IKZF1: variants seen among roughly 807,000 people sequenced by gnomAD.
IKZF1 encodes the protein DNA-binding protein Ikaros.
In IKZF1, 10 loss-of-function variants were observed where a neutral mutation model predicts 51.7. The ratio of observed to expected loss-of-function variants is 0.19; its 90% CI spans 0.12 to 0.33. The LOEUF (loss-of-function observed/expected upper bound fraction) is 0.33, where lower values mean the gene tolerates loss of function less well. IKZF1 is among the 10% of genes least tolerant of loss of function. The pLI, the probability that IKZF1 is intolerant of heterozygous loss-of-function variation, is 1.00. For synonymous variants in IKZF1, 280 were observed against 282.3 expected (o/e 0.99, Z 0.08); for missense variants, 484 against 707.5 (o/e 0.68, Z 3.58).
At chr7:50,347,462 A>G (rs535155344) in intron 3 of IKZF1, among the ~76,000 whole-genome samples, 88 of 152,296 alleles carry the variant, frequency 5.8e-4, no homozygotes, top group South Asian at 1.7e-3. Flanking sequence ...AGTCAAAGTC[A>G]TACTCTTTAA....
intron 3 of IKZF1, among the ~76,000 whole-genome samples, chr7:50,346,573 C>T (rs981388060): frequency 3.3e-5 from 5 of 152,186 alleles, no homozygotes; most frequent in Non-Finnish European, 7.3e-5. Flanking sequence ...GCTGGTCTCA[C>T]TCTTCCCTGG....
At chr7:50,334,042 T>A (rs1190157202) in intron 3 of IKZF1, among the ~76,000 whole-genome samples, 1 of 152,262 alleles carries the variant, frequency 6.6e-6, no homozygotes, top group African/African-American at 2.4e-5. Context: ...ACAGGTTCAT[T>A]GCTTCGCATT....
chr7:50,325,097 A>T (rs1156817828), intron 2 of IKZF1, among the ~76,000 whole-genome samples: 5 of 152,086 alleles, frequency 3.3e-5, no homozygotes, highest in Admixed American at 3.3e-4. Flanking sequence ...AGAAGGCTCC[A>T]TGGTCATTTC....
At chr7:50,355,431 C>T (rs75977980) in intron 3 of IKZF1, among the ~76,000 whole-genome samples, 2,264 of 152,204 alleles carry the variant, frequency 0.015, 51 homozygotes, top group African/African-American at 0.05. Context: ...GCCTGGCCGC[C>T]GGATGGGAGG....
chr7:50,366,559 T>C (rs1466317849), intron 3 of IKZF1, among the ~76,000 whole-genome samples: 1 of 152,196 alleles, frequency 6.6e-6, no homozygotes, highest in Non-Finnish European at 1.5e-5. Context: ...TGCAGGGATA[T>C]ATTAGGAAGT....
At chr7:50,373,727 T>C (rs1809406216) in intron 3 of IKZF1, among the ~76,000 whole-genome samples, 1 of 152,194 alleles carries the variant, frequency 6.6e-6, no homozygotes, top group South Asian at 2.1e-4. Flanking sequence ...AGCGGGCTAG[T>C]GTAGACACTG....
intron 3 of IKZF1, among the ~76,000 whole-genome samples, chr7:50,332,807 T>A (rs1796704249): frequency 1.3e-5 from 2 of 152,184 alleles, no homozygotes; most frequent in African/African-American, 4.8e-5. Context: ...ACACATGAGT[T>A]TGAATATAGG....
intron 1 of IKZF1, among the ~76,000 whole-genome samples, chr7:50,316,623 G>A (rs1166554494): frequency 6.6e-6 from 1 of 152,230 alleles, no homozygotes; most frequent in Non-Finnish European, 1.5e-5. Context: ...AAGTAAGAAG[G>A]TTCCCACAGA....
In IKZF1 at chr7:50,376,475, T is replaced by C. The variant is rs2153467953; in HGVS notation, c.161-58T>C. The C allele has an allele frequency of 6.3e-7, 1 of 1,590,398 alleles. No homozygotes were observed. The highest frequency in any genetic ancestry group is 2.2e-5 in the East Asian group (1 of 44,654). On this transcript the variant is annotated intron_variant, in intron 3 of 7. Transcript: ENST00000331340. This position sits in a 1 kb window ranked among gnomAD's most constrained non-coding sequence, Gnocchi z 4.5. ...GATTGTCTTTTTGCTGCTGTGTTGTTTTGTTGAGTTTTTTTTTTGCAATGA... is the reference window on the plus strand; with the variant it reads ...GATTGTCTTTTTGCTGCTGTGTTGTCTTGTTGAGTTTTTTTTTTGCAATGA...
intron 3 of IKZF1, among the ~76,000 whole-genome samples, chr7:50,347,110 A>G (rs1322421234): frequency 6.6e-6 from 1 of 152,126 alleles, no homozygotes; most frequent in Non-Finnish European, 1.5e-5. Flanking sequence ...AGTGTATTTC[A>G]TTTCAGCCTG....
chr7:50,393,223 C>G (rs1815697610), intron 7 of IKZF1, among the ~76,000 whole-genome samples: 1 of 152,146 alleles, frequency 6.6e-6, no homozygotes, highest in East Asian at 1.9e-4. Context: ...AACCATGAGT[C>G]ACACTGATTC....
chr7:50,373,350 A>G (rs1809280395), intron 3 of IKZF1, among the ~76,000 whole-genome samples: 1 of 152,254 alleles, frequency 6.6e-6, no homozygotes, highest in African/African-American at 2.4e-5. Flanking sequence ...ATTCTTAATG[A>G]TCCAGAAGAA....
intron 1 of IKZF1, among the ~76,000 whole-genome samples, chr7:50,316,093 A>C (rs997070085): frequency 1.3e-5 from 2 of 152,172 alleles, no homozygotes; most frequent in Non-Finnish European, 2.9e-5. Context: ...CGAGAAAGTC[A>C]CTGCTTTTTC....
rs1230092259 is a variant in IKZF1, at chr7:50,369,558, A to G, written c.161-6975A>G. The G allele has an allele frequency of 1.5e-5, 6 of 398,502 alleles. No homozygotes were observed. In the South Asian group the frequency reaches 6.4e-4, roughly 42 times the overall value. The allele number at this position is 398,502 out of a possible 1,614,324, so 24.7% of individuals were successfully genotyped here. A position where few individuals can be genotyped will look rare whatever the true frequency, so the allele number is the denominator to read the frequency against. On this transcript the variant is annotated intron_variant, in intron 3 of 7. Coordinates refer to ENST00000331340, the MANE Select transcript of IKZF1 (RefSeq NM_006060.6). ...TGACTATCTTCTCACACAAGCGGCT[A>G]CTTGGTCTTGATGCCTTCCCCCGCA...
intron 3 of IKZF1, among the ~76,000 whole-genome samples, chr7:50,337,810 A>T (rs1798140725): frequency 6.6e-6 from 1 of 152,144 alleles, no homozygotes; most frequent in Non-Finnish European, 1.5e-5. Context: ...TGTAGGGGGC[A>T]CTTCTTTGGG....
Position 50,376,969 on chromosome 7 carries a change from A to G in IKZF1, c.421+176A>G, listed in dbSNP as rs1345532595. ...AGTCATAGAGTCCTTGTTCTGGTACAGCCTTGTAAAGGACTTCTCAACACG... is the reference window on the plus strand; with the variant it reads ...AGTCATAGAGTCCTTGTTCTGGTACGGCCTTGTAAAGGACTTCTCAACACG... On this transcript the variant is annotated intron_variant, in intron 4 of 7. Transcript: ENST00000331340. The surrounding 1 kb of genome is among the most constrained non-coding windows in gnomAD (Gnocchi z 4.5). 3.6e-6 allele frequency: 4 copies of G among 1,106,204 alleles called. No homozygotes were observed. The highest frequency in any genetic ancestry group is 5.0e-6 in the Non-Finnish European group (4 of 795,792). The allele number at this position is 1,106,204 out of a possible 1,614,324, so 68.5% of individuals were successfully genotyped here.
intron 5 of IKZF1, 100 bp downstream of exon 5, chr7:50,382,807 A>T: frequency 7.1e-7 from 1 of 1,399,686 alleles, no homozygotes; most frequent in Non-Finnish European, 9.5e-7. Context: ...GCTAACCCTG[A>T]GTCCCTCCCA....
chr7:50,354,929 CA>C (rs1311649514), intron 3 of IKZF1, among the ~76,000 whole-genome samples: 1 of 152,114 alleles, frequency 6.6e-6, no homozygotes, highest in Non-Finnish European at 1.5e-5. Flanking sequence ...GCTTCAGCGT[CA>C]AAAACGTCAC....
Position 50,400,102 on chromosome 7 carries a change from C to T in IKZF1, c.1035C>T (p.Ser345=), listed in dbSNP as rs1222270370. 6.4e-7 allele frequency: 1 copy of T among 1,564,346 alleles called. No individual in the cohort carries two copies. The highest frequency in any genetic ancestry group is 1.7e-4 in the Middle Eastern group (1 of 6,008). The change falls in exon 8 of 8, where the codon AGC becomes AGT. Residue 345 remains serine (S), a synonymous_variant. Transcript: ENST00000331340. The surrounding 1 kb of genome is among the most constrained non-coding windows in gnomAD (Gnocchi z 5.4). The part of the protein sequence containing the change: ...PGGSEVVPVI[S]PMYQLHKPLA... ...GTTCCGAGGTGGTCCCGGTCATCAG[C>T]CCGATGTACCAGCTGCACAAGCCGC...
Sources: allele counts gnomAD v4.1 joint callset (sites outside exome capture counted in the v4.1 genomes callset), GRCh38; gene constraint gnomAD v4.1.1; non-coding constraint Gnocchi (gnomAD v3.1); transcripts MANE v1.5; gene names NCBI Gene and HGNC (gene_info 2026-07-23, HGNC 2026-07-21).